Variants in CYP2C18 observed in about 807,000 individuals in gnomAD.
CYP2C18 encodes the protein cytochrome P450 2C18.
A neutral mutation model predicts 41.3 loss-of-function variants in CYP2C18; 38 were observed. The observed-to-expected ratio is 0.92, with a 90% CI of 0.71 to 1.21. CYP2C18 has a LOEUF of 1.21. Among genes scored for constraint, CYP2C18 ranks in the 50% most tolerant of loss-of-function variants. The probability of loss-of-function intolerance (pLI) is 0.00; values close to 1 mark genes in which losing one functional copy is unlikely to be tolerated. For missense variants in CYP2C18, 635 were observed against 591.4 expected (o/e 1.07, Z -0.77); for synonymous variants, 236 against 210.0 (o/e 1.12, Z -1.07).
intron 5 of CYP2C18, among the ~76,000 whole-genome samples, chr10:94,712,511 TA>T (rs1484131352): frequency 3.3e-5 from 5 of 152,162 alleles, no homozygotes; most frequent in Non-Finnish European, 7.3e-5. Context: ...TTATCACAAA[TA>T]ACAGAATTTC....
At chr10:94,726,933 C>A (rs981407482) in intron 7 of CYP2C18, among the ~76,000 whole-genome samples, 1 of 152,064 alleles carries the variant, frequency 6.6e-6, no homozygotes, top group African/African-American at 2.4e-5. Context: ...ATCACTATTG[C>A]CATCTTATAG....
intron 4 of CYP2C18, among the ~76,000 whole-genome samples, chr10:94,697,599 C>G (rs1474413695): frequency 1.3e-5 from 2 of 152,174 alleles, no homozygotes; most frequent in African/African-American, 4.8e-5. Context: ...CAACTAACAT[C>G]ATAATGACAG....
At chr10:94,717,367 G>A (rs1847568924) in intron 5 of CYP2C18, among the ~76,000 whole-genome samples, 1 of 152,050 alleles carries the variant, frequency 6.6e-6, no homozygotes, top group Non-Finnish European at 1.5e-5. Flanking sequence ...GCTCTTGTAG[G>A]GCAGGCATGG....
intron 7 of CYP2C18, among the ~76,000 whole-genome samples, chr10:94,731,155 C>A (rs147292805): frequency 6.6e-6 from 1 of 152,046 alleles, no homozygotes; most frequent in African/African-American, 2.4e-5. Context: ...CCAAGGCCAG[C>A]GGATCACAAG....
At chr10:94,721,400 T>C (rs188553261) in intron 6 of CYP2C18, among the ~76,000 whole-genome samples, 1 of 152,316 alleles carries the variant, frequency 6.6e-6, no homozygotes, top group African/African-American at 2.4e-5. Context: ...TTTTTATTTT[T>C]AATTTTTATT....
intron 7 of CYP2C18, chr10:94,728,625 A>T: frequency 1.0e-6 from 1 of 977,256 alleles, no homozygotes; most frequent in Non-Finnish European, 1.2e-6. Flanking sequence ...CATTTCTGTG[A>T]TCAACCCCTC....
At chr10:94,728,833 G>C (rs1847785710) in intron 7 of CYP2C18, among the ~76,000 whole-genome samples, 1 of 151,820 alleles carries the variant, frequency 6.6e-6, no homozygotes, top group Non-Finnish European at 1.5e-5. Context: ...AACAACAACT[G>C]AAAGTCACAA....
At chr10:94,708,720 A>G (rs1847384513) in intron 5 of CYP2C18, among the ~76,000 whole-genome samples, 1 of 152,182 alleles carries the variant, frequency 6.6e-6, no homozygotes, top group African/African-American at 2.4e-5. Flanking sequence ...AAAGACAACC[A>G]TATGCTTAAC....
chr10:94,699,237 A>G (rs1847184512), intron 4 of CYP2C18, among the ~76,000 whole-genome samples: 1 of 152,204 alleles, frequency 6.6e-6, no homozygotes, highest in Non-Finnish European at 1.5e-5. Flanking sequence ...TCAACAAAAT[A>G]CTGGCAAACC....
intron 3 of CYP2C18, among the ~76,000 whole-genome samples, chr10:94,691,382 GACAA>G (rs1327537556): frequency 5.9e-5 from 9 of 152,234 alleles, no homozygotes; most frequent in South Asian, 2.1e-4. Flanking sequence ...ACCAATAGCA[GACAA>G]ACAGAGAGCC....
At chr10:94,727,123 C>T (rs887742269) in intron 7 of CYP2C18, among the ~76,000 whole-genome samples, 1 of 152,044 alleles carries the variant, frequency 6.6e-6, no homozygotes, top group African/African-American at 2.4e-5. Flanking sequence ...TACCGTGCTA[C>T]AGAACACATA....
intron 7 of CYP2C18, among the ~76,000 whole-genome samples, chr10:94,726,440 GT>G (rs1241183840): frequency 6.6e-6 from 1 of 151,986 alleles, no homozygotes; most frequent in Non-Finnish European, 1.5e-5. Flanking sequence ...AACATGCGGT[GT>G]TTGGTTTTCT....
chr10:94,701,327 G>A (rs1564641101), intron 4 of CYP2C18, among the ~76,000 whole-genome samples: 1 of 152,166 alleles, frequency 6.6e-6, no homozygotes, highest in Non-Finnish European at 1.5e-5. Flanking sequence ...TAAGGACATG[G>A]ATGAAGCTGG....
chr10:94,722,879 C>T (rs936276795), intron 6 of CYP2C18, among the ~76,000 whole-genome samples: 2 of 152,098 alleles, frequency 1.3e-5, no homozygotes, highest in Non-Finnish European at 2.9e-5. Flanking sequence ...CAGGTGTAAA[C>T]TCCAGAGGAC....
Position 94,733,352 on chromosome 10 carries a change from C to T in CYP2C18, c.1205C>T (p.Pro402Leu). Residue 402 changes from proline (P) to leucine (L), a missense_variant, in exon 8 of 9, where the codon CCC becomes CTC. Transcript: ENST00000285979. ...GTGCTGCACAATGACAAAGAATTCCCCAACCCAGAGATGTTTGACCCTGGC... is the reference window on the plus strand; with the variant it reads ...GTGCTGCACAATGACAAAGAATTCCTCAACCCAGAGATGTTTGACCCTGGC... ...TSVLHNDKEFPNPEMFDPGHF... is the reference protein window; with the variant it reads ...TSVLHNDKEFLNPEMFDPGHF... 6.2e-7 allele frequency: 1 copy of T among 1,613,410 alleles called. No homozygotes were observed. The highest frequency in any genetic ancestry group is 1.1e-5 in the South Asian group (1 of 91,052).
chr10:94,695,196 G>A (rs1847092728), intron 4 of CYP2C18, 119 bp downstream of exon 4: 5 of 906,834 alleles, frequency 5.5e-6, no homozygotes, highest in Non-Finnish European at 8.2e-6. Flanking sequence ...AGAATGGGCA[G>A]GTTTGTCACA....
Position 94,687,892 on chromosome 10 carries a change from A to G in CYP2C18, c.291A>G (p.Arg97=), listed in dbSNP as rs1846920600. The G allele has an allele frequency of 1.9e-6, 3 of 1,613,836 alleles. No individual in the cohort carries two copies. The highest frequency in any genetic ancestry group is 2.5e-6 in the Non-Finnish European group (3 of 1,179,806). The stretch of plus-strand genomic sequence containing the variant: ...ATCATGGAGAGGAGTTTTCTGGAAG[A>G]GGAAGTTTTCCAGTGGCTGAAAAAG... ...LIDHGEEFSG[R]GSFPVAEKVN... is the part of the protein sequence containing the mutation. The change falls in exon 2 of 9, where the codon AGA becomes AGG. Residue 97 remains arginine, a synonymous_variant. Transcript: ENST00000285979.
chr10:94,726,212 A>G (rs1256726960), intron 7 of CYP2C18, among the ~76,000 whole-genome samples: 2 of 150,174 alleles, frequency 1.3e-5, no homozygotes, highest in African/African-American at 4.9e-5. Flanking sequence ...TTTTTTTTTT[A>G]TTATACTTTA....
intron 5 of CYP2C18, among the ~76,000 whole-genome samples, chr10:94,718,862 G>T (rs1038198207): frequency 2.4e-4 from 36 of 152,116 alleles, no homozygotes; most frequent in African/African-American, 8.4e-4. Context: ...CTTAGAGTTA[G>T]GGTGTTAATG....
Sources: allele counts gnomAD v4.1 joint callset (sites outside exome capture counted in the v4.1 genomes callset), GRCh38; gene constraint gnomAD v4.1.1; transcripts MANE v1.5; gene names NCBI Gene and HGNC (gene_info 2026-07-23, HGNC 2026-07-21).